DOP1A: variants seen among roughly 807,000 people sequenced by gnomAD.
DOP1A encodes the protein DOP1 leucine zipper like protein A, also known as protein DOP1A.
Under a neutral mutation model 267.6 loss-of-function variants are expected in DOP1A, and 90 were observed. The ratio of observed to expected loss-of-function variants is 0.34; its 90% CI spans 0.28 to 0.40. The LOEUF is 0.40. DOP1A is among the 10% of genes least tolerant of loss of function. DOP1A has a pLI of 1.00. For missense variants in DOP1A, 2,437 were observed against 2,900.4 expected, an observed-to-expected ratio of 0.84 and a Z score of 3.67; for synonymous variants, 932 against 999.1, an observed-to-expected ratio of 0.93 and a Z score of 1.27.
intron 38 of DOP1A, chr6:83,165,958 C>A: frequency 2.9e-6 from 1 of 341,718 alleles, no homozygotes; most frequent in South Asian, 2.7e-5. Context: ...AAACAATGAC[C>A]ATGACCATTT....
chr6:83,072,790 C>T (rs1016412023), intron 1 of DOP1A, among the ~76,000 whole-genome samples: 4 of 152,262 alleles, frequency 2.6e-5, no homozygotes, highest in African/African-American at 9.6e-5. Flanking sequence ...TTATTTTTAT[C>T]GAATATTCTA....
chr6:83,168,359 A>T lies in DOP1A; in HGVS notation c.*192A>T, dbSNP rs1054282030. The T allele has an allele frequency of 7.2e-7, 1 of 1,395,978 alleles. No homozygotes were observed. Among genetic ancestry groups the T allele is most frequent in the South Asian group, 1.6e-5 (1 of 62,174 alleles). The allele number at this position is 1,395,978 out of a possible 1,614,324, so 86.5% of individuals were successfully genotyped here. The stretch of plus-strand genomic sequence containing the variant: ...AATCAAGTTTAAATATTGTTGGCTC[A>T]TACTGATTATGGTGCCTAAGAGAGC... On this transcript the variant is annotated 3_prime_UTR_variant, in exon 39 of 39. Coordinates refer to ENST00000349129, the MANE Select transcript of DOP1A (RefSeq NM_015018.4).
intron 4 of DOP1A, among the ~76,000 whole-genome samples, chr6:83,103,176 G>A (rs563076408): frequency 2.6e-4 from 40 of 152,236 alleles, no homozygotes; most frequent in Non-Finnish European, 5.0e-4. Context: ...ATGAAATAAT[G>A]GCATTCACAG....
intron 37 of DOP1A, among the ~76,000 whole-genome samples, chr6:83,161,639 G>T (rs902682626): frequency 6.6e-6 from 1 of 152,088 alleles, no homozygotes; most frequent in South Asian, 2.1e-4. Context: ...CTGAGTTTCC[G>T]ATTAAAATTA....
downstream of DOP1A, chr6:83,170,271 T>C: frequency 1.2e-6 from 2 of 1,601,844 alleles, no homozygotes; most frequent in Non-Finnish European, 1.7e-6. Context: ...CACCTAATAT[T>C]AGGCTCTTTT....
At chr6:83,096,458 G>C (rs1771530048) in intron 1 of DOP1A, among the ~76,000 whole-genome samples, 2 of 148,606 alleles carry the variant, frequency 1.3e-5, no homozygotes, top group South Asian at 4.4e-4. Context: ...CAGCTAATGG[G>C]CCTTCATACT....
intron 7 of DOP1A, among the ~76,000 whole-genome samples, chr6:83,118,433 T>C: frequency 6.6e-6 from 1 of 152,172 alleles, no homozygotes; most frequent in Admixed American, 6.5e-5. Flanking sequence ...GTTTTCTGTA[T>C]TTTTTGATAT....
intron 1 of DOP1A, among the ~76,000 whole-genome samples, chr6:83,088,033 G>T (rs552953965): frequency 3.9e-5 from 6 of 152,148 alleles, no homozygotes; most frequent in South Asian, 2.1e-4. Context: ...CGCCATGCCC[G>T]GCTAACCTTT....
chr6:83,130,024 C>A, intron 16 of DOP1A, 99 bp from the exon 17 acceptor site: 1 of 1,461,030 alleles, frequency 6.8e-7, no homozygotes. Flanking sequence ...AGATCAAGGC[C>A]TTAAAAGTAT....
chr6:83,092,026 T>G (rs1770510499), intron 1 of DOP1A, among the ~76,000 whole-genome samples: 1 of 152,208 alleles, frequency 6.6e-6, no homozygotes, highest in Non-Finnish European at 1.5e-5. Context: ...ACTCTAACCT[T>G]CATTCCATAT....
Sources: gnomAD v4.1 joint callset for allele counts (sites outside exome capture counted in the v4.1 genomes callset) on GRCh38, gnomAD v4.1.1 for gene constraint, MANE v1.5 for transcripts, NCBI Gene and HGNC (gene_info 2026-07-23, HGNC 2026-07-21) for gene names.